Variants in TMCO6 observed in about 807,000 individuals in gnomAD.
The protein encoded by TMCO6 is transmembrane and coiled-coil domains 6, also known as transmembrane and coiled-coil domain-containing protein 6.
A neutral mutation model predicts 61.8 loss-of-function variants in TMCO6; 47 were observed. The observed-to-expected ratio is 0.76, with a 90% CI of 0.60 to 0.97. TMCO6 has a LOEUF of 0.97. TMCO6 is among the 50% of genes least tolerant of loss of function. TMCO6 has a pLI of 0.00. For missense variants in TMCO6, 557 were observed against 601.6 expected, an observed-to-expected ratio of 0.93 and a Z score of 0.78; for synonymous variants, 261 against 254.2, an observed-to-expected ratio of 1.03 and a Z score of -0.25.
chr5:140,643,928 T>G lies in TMCO6; in HGVS notation c.1067T>G (p.Leu356Arg), dbSNP rs1757213982. The change falls in exon 9 of 12, where the codon CTG (leucine) becomes CGG (arginine). Residue 356 changes from leucine (L) to arginine (R), a missense_variant. Coordinates refer to ENST00000394671, the MANE Select transcript of TMCO6 (RefSeq NM_018502.5). ...LQFFFQKQPS[L>R]LPEGLWLLNN... Reference sequence around the variant, plus strand: ...TTCTTTTTCCAGAAACAGCCCAGTCTGCTCCCTGAGGGCCTTTGGCTCCTC... The same window carrying G: ...TTCTTTTTCCAGAAACAGCCCAGTCGGCTCCCTGAGGGCCTTTGGCTCCTC... 1 of 1,614,246 alleles carries G rather than the reference T, an allele frequency of 6.2e-7. No individual in the cohort carries two copies. Among genetic ancestry groups the G allele is most frequent in the South Asian group, 1.1e-5 (1 of 91,088 alleles).
chr5:140,615,086 A>C, the TMCO6 span, among the ~76,000 whole-genome samples: 2 of 152,236 alleles, frequency 1.3e-5, no homozygotes, highest in Non-Finnish European at 2.9e-5. Context: ...ATAACTAATA[A>C]ACAAATTTAG....
At chr5:140,644,360 T>C (rs1757256330) in intron 10 of TMCO6, among the ~76,000 whole-genome samples, 166 bp downstream of exon 10, 1 of 152,218 alleles carries the variant, frequency 6.6e-6, no homozygotes, top group South Asian at 2.1e-4. Flanking sequence ...TTATTTATCC[T>C]TGGACAAATC....
chr5:140,640,533 G>GT (rs2149790943), intron 2 of TMCO6, among the ~76,000 whole-genome samples: 1 of 151,884 alleles, frequency 6.6e-6, no homozygotes, highest in Non-Finnish European at 1.5e-5. Context: ...AGCCTCCCGA[G>GT]TAGCAGGGAT....
the TMCO6 span, chr5:140,632,664 A>G: frequency 6.2e-7 from 1 of 1,613,800 alleles, no homozygotes; most frequent in Non-Finnish European, 8.5e-7. This position sits in a 1 kb window ranked among gnomAD's most constrained non-coding sequence, Gnocchi z 6.2. Flanking sequence ...CAGGGCGCCT[A>G]CCAGTAGCTG....
the TMCO6 span, among the ~76,000 whole-genome samples, chr5:140,626,654 C>CA: frequency 6.6e-6 from 1 of 152,126 alleles, no homozygotes; most frequent in Non-Finnish European, 1.5e-5. Flanking sequence ...ATTTTTGAAA[C>CA]AGAGTCTCAC....
chr5:140,612,493 C>T, the TMCO6 span, among the ~76,000 whole-genome samples: 6 of 152,142 alleles, frequency 3.9e-5, no homozygotes, highest in Admixed American at 2.6e-4. Flanking sequence ...GCGCCCGCCA[C>T]GGCGCCCGGC....
the TMCO6 span, among the ~76,000 whole-genome samples, chr5:140,605,692 A>AACACACAC: frequency 3.0e-4 from 36 of 118,674 alleles, no homozygotes; most frequent in Non-Finnish European, 5.1e-4. Context: ...AAAAAAACAA[A>AACACACAC]ACACACACAC....
At chr5:140,599,230 C>T in the TMCO6 span, among the ~76,000 whole-genome samples, 1 of 152,232 alleles carries the variant, frequency 6.6e-6, no homozygotes, top group African/African-American at 2.4e-5. Context: ...GTGGCCACCT[C>T]AAGTGAGCAC....
chr5:140,596,880 T>C, the TMCO6 span, among the ~76,000 whole-genome samples: 1 of 152,236 alleles, frequency 6.6e-6, no homozygotes, highest in African/African-American at 2.4e-5. Context: ...TGCTGTCCTT[T>C]GCTGTCTTTC....
At chr5:140,632,946 G>GGCA in the TMCO6 span, 50 of 1,613,890 alleles carry the variant, frequency 3.1e-5, no homozygotes, top group African/African-American at 1.1e-4. This position sits in a 1 kb window ranked among gnomAD's most constrained non-coding sequence, Gnocchi z 6.2. Flanking sequence ...GTGCACCAGC[G>GGCA]GCAGCAGCAG....
the TMCO6 span, chr5:140,632,880 A>C: frequency 6.8e-6 from 11 of 1,614,154 alleles, no homozygotes; most frequent in Non-Finnish European, 9.3e-6. This position sits in a 1 kb window ranked among gnomAD's most constrained non-coding sequence, Gnocchi z 6.2. Context: ...GAAGTTGCAG[A>C]CGCAGCGGAA....
chr5:140,629,319 T>A, the TMCO6 span, among the ~76,000 whole-genome samples: 31 of 151,258 alleles, frequency 2.0e-4, no homozygotes, highest in Non-Finnish European at 2.8e-4. Flanking sequence ...AAAATAATAA[T>A]AATAAATAAA....
At chr5:140,632,514 C>A in the TMCO6 span, 1 of 1,614,172 alleles carries the variant, frequency 6.2e-7, no homozygotes, top group East Asian at 2.2e-5. The surrounding 1 kb of genome is among the most constrained non-coding windows in gnomAD (Gnocchi z 6.2). Flanking sequence ...CCAAGAACGC[C>A]CTGTCGCCCA....
the TMCO6 span, among the ~76,000 whole-genome samples, chr5:140,605,673 CTG>C: frequency 6.7e-6 from 1 of 149,634 alleles, no homozygotes; most frequent in Non-Finnish European, 1.5e-5. Context: ...GAGCGAGACT[CTG>C]TCTCAAAAAA....
chr5:140,645,290 G>C lies in TMCO6; in HGVS notation c.*192G>C. ...AGGCAGGAGGACCAAAAGGGACTCAGTGTGGTCTACTTACTCTGGGGCCCT... is the reference window on the plus strand; with the variant it reads ...AGGCAGGAGGACCAAAAGGGACTCACTGTGGTCTACTTACTCTGGGGCCCT... On this transcript the variant is annotated 3_prime_UTR_variant, in exon 12 of 12. Transcript: ENST00000394671. The C allele has an allele frequency of 1.4e-6, 1 of 712,302 alleles. No individual in the cohort carries two copies. Among genetic ancestry groups the C allele is most frequent in the South Asian group, 1.7e-5 (1 of 60,016 alleles). The allele number at this position is 712,302 out of a possible 1,614,324, so 44.1% of individuals were successfully genotyped here. A position where few individuals can be genotyped will look rare whatever the true frequency, so the allele number is the denominator to read the frequency against.
the TMCO6 span, chr5:140,631,925 T>TGC: frequency 6.2e-7 from 1 of 1,607,940 alleles, no homozygotes; most frequent in East Asian, 2.2e-5. Flanking sequence ...GGGTCGAACG[T>TGC]GCACAGGCTG....
At chr5:140,602,706 G>C in the TMCO6 span, among the ~76,000 whole-genome samples, 2 of 151,938 alleles carry the variant, frequency 1.3e-5, no homozygotes, top group Non-Finnish European at 2.9e-5. Context: ...GGAGGTTACG[G>C]TGAGCCAACA....
chr5:140,643,804 C>G lies in TMCO6; in HGVS notation c.943C>G (p.Leu315Val). 1 of 1,614,212 alleles carries G rather than the reference C, an allele frequency of 6.2e-7. No homozygotes were observed. Among genetic ancestry groups the G allele is most frequent in the South Asian group, 1.1e-5 (1 of 91,090 alleles). The change falls in exon 9 of 12, where the codon CTA becomes GTA. Residue 315 changes from leucine (L) to valine (V), a missense_variant. Coordinates refer to ENST00000394671, the MANE Select transcript of TMCO6 (RefSeq NM_018502.5). ...GCTGGCATGCCCCGTGCTTCGATGTCTAAGCAACCTGCTAACTGAGGCAGC... is the reference window on the plus strand; with the variant it reads ...GCTGGCATGCCCCGTGCTTCGATGTGTAAGCAACCTGCTAACTGAGGCAGC... ...ELLACPVLRCLSNLLTEAAVE... is the reference protein window; with the variant it reads ...ELLACPVLRCVSNLLTEAAVE...
the TMCO6 span, among the ~76,000 whole-genome samples, chr5:140,612,512 T>C: frequency 6.6e-6 from 1 of 152,126 alleles, no homozygotes; most frequent in Non-Finnish European, 1.5e-5. Context: ...GCTCATTTTT[T>C]GTATTGTTAG....
Sources: gnomAD v4.1 joint callset for allele counts (sites outside exome capture counted in the v4.1 genomes callset) on GRCh38, gnomAD v4.1.1 for gene constraint, Gnocchi (gnomAD v3.1) non-coding constraint, MANE v1.5 for transcripts, NCBI Gene and HGNC (gene_info 2026-07-23, HGNC 2026-07-21) for gene names.